The following KLB variants were observed in gnomAD, a reference collection of about 807,000 sequenced individuals.
KLB encodes beta-klotho.
A neutral mutation model predicts 88.4 loss-of-function variants in KLB; 44 were observed. The observed-to-expected ratio is 0.50, with a 90% CI of 0.39 to 0.64. KLB has a LOEUF of 0.64. Ranked by LOEUF, KLB falls within the 30% of genes least tolerant of loss-of-function variation. The pLI is 0.00. For missense variants in KLB, 1,137 were observed against 1,304.8 expected, an observed-to-expected ratio of 0.87 and a Z score of 1.98; for synonymous variants, 548 against 513.4, an observed-to-expected ratio of 1.07 and a Z score of -0.91.
Position 39,446,562 on chromosome 4 carries a change from G to A in KLB, c.1836G>A (p.Leu612=). ...CCTCGGTCCTTCCCACTGGCAACCT[G>A]TCCGCGGTGAACCGACAGGCCCTGA... is the stretch of plus-strand genomic sequence containing the variant. ...DWASVLPTGN[L]SAVNRQALRY... The change falls in exon 4 of 5, where the codon CTG becomes CTA. Residue 612 remains leucine (L), a synonymous_variant. Coordinates refer to ENST00000257408, the MANE Select transcript of KLB (RefSeq NM_175737.4). The surrounding 1 kb of genome is among the most constrained non-coding windows in gnomAD (Gnocchi z 6.4). 2 of 1,614,232 alleles carry A rather than the reference G, an allele frequency of 1.2e-6. No homozygotes were observed. The highest frequency in any genetic ancestry group is 1.7e-6 in the Non-Finnish European group (2 of 1,180,036).
rs572585874 is a variant in KLB, at chr4:39,424,743, T to C, written c.826-9467T>C. On this transcript the variant is annotated intron_variant, in intron 1 of 4. Coordinates refer to ENST00000257408, the MANE Select transcript of KLB (RefSeq NM_175737.4). ...GCATCCCGGGTTCAAGCGATTCTGT[T>C]TCAGCCTCCCTGGTAGCTGGGACTA... Among the ~76,000 whole-genome samples the C allele has an allele frequency of 4.5e-3, 682 of 152,066 alleles. 15 individuals are homozygous for C. Among genetic ancestry groups the C allele is most frequent in the African/African-American group, 0.014 (583 of 41,442 alleles).
At chr4:39,442,098 T>G (rs2109841869) in intron 3 of KLB, among the ~76,000 whole-genome samples, 1 of 152,150 alleles carries the variant, frequency 6.6e-6, no homozygotes, top group East Asian at 1.9e-4. Context: ...TGGGTGTGGT[T>G]GTGTGGGCCT....
chr4:39,431,035 G>C (rs1743347490), intron 1 of KLB, among the ~76,000 whole-genome samples: 2 of 150,526 alleles, frequency 1.3e-5, no homozygotes, highest in South Asian at 2.1e-4. Flanking sequence ...TCCAACCTCA[G>C]CTTCCTGAGT....
intron 1 of KLB, among the ~76,000 whole-genome samples, chr4:39,410,399 T>G (rs894136828): frequency 7.2e-5 from 11 of 152,224 alleles, no homozygotes; most frequent in Non-Finnish European, 1.5e-4. Context: ...GGATATGTTT[T>G]TCAACTATTG....
chr4:39,428,659 C>T (rs1743273032), intron 1 of KLB, among the ~76,000 whole-genome samples: 1 of 151,966 alleles, frequency 6.6e-6, no homozygotes, highest in Admixed American at 6.6e-5. Context: ...CCAAAAACAG[C>T]GTGGAAGATG....
rs1005245215 is a variant in KLB, at chr4:39,446,601, C to T, written c.1875C>T (p.Cys625=). The T allele has an allele frequency of 6.2e-7, 1 of 1,614,102 alleles. No individual in the cohort carries two copies. Among genetic ancestry groups the T allele is most frequent in the Non-Finnish European group, 8.5e-7 (1 of 1,179,958 alleles). Reference sequence around the variant, plus strand: ...GACAGGCCCTGAGGTACTACAGGTGCGTGGTCAGTGAGGGGCTGAAGCTTG... The same window carrying T: ...GACAGGCCCTGAGGTACTACAGGTGTGTGGTCAGTGAGGGGCTGAAGCTTG... ...VNRQALRYYR[C]VVSEGLKLGI... is the part of the protein sequence containing the mutation. The change falls in exon 4 of 5, where the codon TGC becomes TGT. Residue 625 remains cysteine (C), a synonymous_variant. Coordinates refer to ENST00000257408, the MANE Select transcript of KLB (RefSeq NM_175737.4). This position sits in a 1 kb window ranked among gnomAD's most constrained non-coding sequence, Gnocchi z 6.4.
At chr4:39,426,556 G>C (rs13140731) in intron 1 of KLB, among the ~76,000 whole-genome samples, 92,227 of 151,646 alleles carry the variant, frequency 0.61, 29,402 homozygotes, top group Admixed American at 0.71. Context: ...AATAATGATT[G>C]CAAAAGAGTT....
At chr4:39,435,447 C>T (rs982347456) in intron 2 of KLB, among the ~76,000 whole-genome samples, 2 of 146,736 alleles carry the variant, frequency 1.4e-5, no homozygotes, top group South Asian at 2.2e-4. Context: ...CTTTTTGAAA[C>T]GGAGTTTCAC....
rs1409323822 is a variant in KLB at position 39,446,278 on chromosome 4, T to C, written c.1606-54T>C. 1 of 1,508,396 alleles carries C rather than the reference T, an allele frequency of 6.6e-7. No individual in the cohort carries two copies. Among genetic ancestry groups the C allele is most frequent in the East Asian group, 2.3e-5 (1 of 44,310 alleles). 93.4% of individuals were successfully genotyped at this position (1,508,396 alleles called of 1,614,324 possible). Reference sequence around the variant, plus strand: ...TGGGAGGCAGAGGTAGGCAGATCACTTGAGCCTCCATCTGCCAGCGCATGC... The same window carrying C: ...TGGGAGGCAGAGGTAGGCAGATCACCTGAGCCTCCATCTGCCAGCGCATGC... On this transcript the variant is annotated intron_variant, in intron 3 of 4. Transcript: ENST00000257408. The surrounding 1 kb of genome is among the most constrained non-coding windows in gnomAD (Gnocchi z 6.4).
intron 3 of KLB, among the ~76,000 whole-genome samples, chr4:39,442,053 C>T (rs1044664140): frequency 6.6e-6 from 1 of 152,104 alleles, no homozygotes; most frequent in Admixed American, 6.6e-5. Context: ...ACCAGCCTGG[C>T]CATTATGGCA....
At chr4:39,424,684 T>A (rs1176348189) in intron 1 of KLB, among the ~76,000 whole-genome samples, 1 of 149,010 alleles carries the variant, frequency 6.7e-6, no homozygotes, top group Non-Finnish European at 1.5e-5. Context: ...CAGGCTGGAG[T>A]GCAGTGGCGC....
chr4:39,441,080 T>A (rs1259323536), intron 3 of KLB, among the ~76,000 whole-genome samples: 1 of 152,176 alleles, frequency 6.6e-6, no homozygotes, highest in East Asian at 1.9e-4. Context: ...GGTCTCGAAC[T>A]CTTGGCCTCA....
intron 2 of KLB, 92 bp downstream of exon 2, chr4:39,434,812 CTT>C (rs200875313): frequency 5.5e-4 from 446 of 804,028 alleles, no homozygotes; most frequent in Non-Finnish European, 6.6e-4. Context: ...TATTGTTGGG[CTT>C]TTTTTTTTTT....
intron 1 of KLB, among the ~76,000 whole-genome samples, chr4:39,420,398 T>A (rs770369077): frequency 3.3e-5 from 5 of 152,206 alleles, no homozygotes; most frequent in African/African-American, 4.8e-5. Context: ...TAGAATGAAA[T>A]TCAGAGTAGC....
At chr4:39,421,818 C>T (rs186395232) in intron 1 of KLB, among the ~76,000 whole-genome samples, 1 of 152,234 alleles carries the variant, frequency 6.6e-6, no homozygotes. Context: ...GCGATCAGCT[C>T]ACCCTAACCT....
Position 39,446,189 on chromosome 4 carries a change from G to T in KLB, c.1606-143G>T. ...GGTGTGGCTCCTTCTCTGTTTTCTG[G>T]TCTCCTTGGGAGATTTCAAGGGCTG... On this transcript the variant is annotated intron_variant, in intron 3 of 4. Transcript: ENST00000257408. This position sits in a 1 kb window ranked among gnomAD's most constrained non-coding sequence, Gnocchi z 6.4. The T allele has an allele frequency of 1.4e-6, 1 of 692,156 alleles. No homozygotes were observed. Among genetic ancestry groups the T allele is most frequent in the South Asian group, 2.0e-5 (1 of 50,224 alleles). 42.9% of individuals were successfully genotyped at this position (692,156 alleles called of 1,614,324 possible). A position where few individuals can be genotyped will look rare whatever the true frequency, so the allele number is the denominator to read the frequency against.
rs1487605319 is a variant in KLB, at chr4:39,450,328, G to C, written c.*1642G>C. 1.3e-5 allele frequency: 2 copies of C among 152,170 alleles called. No homozygotes were observed. Among genetic ancestry groups the C allele is most frequent in the African/African-American group, 2.4e-5 (1 of 41,432 alleles). The allele number at this position is 152,170 out of a possible 1,614,324, so 9.4% of individuals were successfully genotyped here. A position where few individuals can be genotyped will look rare whatever the true frequency, so the allele number is the denominator to read the frequency against. On this transcript the variant is annotated 3_prime_UTR_variant, in exon 5 of 5. Transcript: ENST00000257408. ...GCAATTTAGACCTTAACAGTCACAA[G>C]AGACGTTCTTCTGTTACAAAGCCTT...
At chr4:39,429,083 T>C (rs1054068776) in intron 1 of KLB, among the ~76,000 whole-genome samples, 3 of 152,256 alleles carry the variant, frequency 2.0e-5, no homozygotes, top group African/African-American at 7.2e-5. Context: ...TATTTTGTTA[T>C]GCTTGTGGAG....
intron 1 of KLB, among the ~76,000 whole-genome samples, chr4:39,418,538 A>G (rs983376208): frequency 6.6e-6 from 1 of 150,890 alleles, no homozygotes; most frequent in African/African-American, 2.4e-5. Flanking sequence ...GTGCCCGGCC[A>G]TATCATCTAG....
Sources: gnomAD v4.1 joint callset for allele counts (sites outside exome capture counted in the v4.1 genomes callset) on GRCh38, gnomAD v4.1.1 for gene constraint, Gnocchi (gnomAD v3.1) non-coding constraint, MANE v1.5 for transcripts, NCBI Gene and HGNC (gene_info 2026-07-23, HGNC 2026-07-21) for gene names.